The following CHD2 variants were observed in gnomAD, a reference collection of about 807,000 sequenced individuals.
CHD2 encodes the protein ATP-dependent chromatin remodeler CHD2.
CHD2 carries 28 observed loss-of-function variants against 243.9 expected under a neutral mutation model. The ratio of observed to expected loss-of-function variants is 0.11; its 90% confidence interval spans 0.09 to 0.16. The LOEUF (loss-of-function observed/expected upper bound fraction) is 0.16, where lower values mean the gene tolerates loss of function less well. Ranked by LOEUF, CHD2 falls within the 10% of genes least tolerant of loss-of-function variation. The probability of loss-of-function intolerance (pLI) is 1.00; values close to 1 mark genes in which losing one functional copy is unlikely to be tolerated. For synonymous variants in CHD2, 775 were observed against 779.0 expected (o/e 0.99, Z 0.09); for missense variants, 1,386 against 2,209.8 (o/e 0.63, Z 7.47).
At chr15:92,945,389 C>CT (rs149239392) in intron 10 of CHD2, 20,803 of 126,692 alleles carry the variant, frequency 0.16, 3,079 homozygotes, top group Non-Finnish European at 0.25. Flanking sequence ...TCTTCTTCTT[C>CT]TTCTTCTTTT....
chr15:93,020,225 G>A lies in CHD2; in HGVS notation c.5120G>A (p.Arg1707Gln), dbSNP rs61759469. Residue 1707 changes from arginine (R) to glutamine (Q), a missense_variant, in exon 38 of 39, where the codon CGA (arginine) becomes CAA (glutamine). By Grantham distance (43) the Arg-to-Gln change is conservative. This residue lies in a region of CHD2 where 347 missense variants were observed against 341.6 expected (regional missense o/e 1.02). Coordinates refer to ENST00000394196, the MANE Select transcript of CHD2 (RefSeq NM_001271.4). The stretch of plus-strand genomic sequence containing the variant: ...CCTTATGACCAGTACAGCAGTGACC[G>A]AGACCACCGGGGACACAGAGATTAT... Reference protein sequence around the residue: ...KRPYDQYSSDRDHRGHRDYYD... With the variant: ...KRPYDQYSSDQDHRGHRDYYD... The A allele has an allele frequency of 1.4e-5, 23 of 1,613,990 alleles. No homozygotes were observed. Among genetic ancestry groups the A allele is most frequent in the Admixed American group, 1.0e-4 (6 of 60,002 alleles).
chr15:92,900,765 G>A lies in CHD2; in HGVS notation c.-131G>A. The A allele has an allele frequency of 2.5e-6, 1 of 395,718 alleles. No individual in the cohort carries two copies. The highest frequency in any genetic ancestry group is 4.4e-6 in the Non-Finnish European group (1 of 225,162). 24.5% of individuals were successfully genotyped at this position (395,718 alleles called of 1,614,324 possible). On this transcript the variant is annotated 5_prime_UTR_variant, in exon 1 of 39. Transcript: ENST00000394196. ...TTTGCCTTTATTTTTAATTATTTGG[G>A]ATCTGATATTTTTCTACTAGTAGAT...
intron 37 of CHD2, among the ~76,000 whole-genome samples, chr15:93,016,454 A>G (rs933822588): frequency 1.1e-4 from 17 of 152,246 alleles, no homozygotes; most frequent in African/African-American, 3.6e-4. Context: ...ACTGTAGTTA[A>G]TAACAATGTA....
intron 26 of CHD2, among the ~76,000 whole-genome samples, chr15:92,987,146 T>A (rs938678666): frequency 6.6e-6 from 1 of 152,220 alleles, no homozygotes; most frequent in South Asian, 2.1e-4. Flanking sequence ...TGGACTCTTA[T>A]TAATTGTATA....
intron 2 of CHD2, among the ~76,000 whole-genome samples, chr15:92,902,991 G>T (rs1596360957): frequency 6.6e-6 from 1 of 152,142 alleles, no homozygotes; most frequent in East Asian, 1.9e-4. Context: ...GGTAGTGGAG[G>T]TTACAGCTGT....
At position 92,946,189 on chromosome 15, in the gene CHD2, A is replaced by C. The variant is rs749235059; in HGVS notation, c.1350A>C (p.Ser450=). The change falls in exon 12 of 39, where the codon TCA becomes TCC. Residue 450 remains serine, a synonymous_variant. Coordinates refer to ENST00000394196, the MANE Select transcript of CHD2 (RefSeq NM_001271.4). ...CIDSFHSRNN[S]KTIPTRECKA... is the part of the protein sequence containing the mutation. ...ACAGCTTCCACAGTAGGAACAACTCAAAAACCATCCCAACAAGAGAATGCA... is the reference window on the plus strand; with the variant it reads ...ACAGCTTCCACAGTAGGAACAACTCCAAAACCATCCCAACAAGAGAATGCA... The C allele has an allele frequency of 1.2e-6, 2 of 1,612,120 alleles. No homozygotes were observed. The highest frequency in any genetic ancestry group is 2.2e-5 in the South Asian group (2 of 90,806).
chr15:92,974,086 G>A (rs1269669764), intron 19 of CHD2: 1 of 152,204 alleles, frequency 6.6e-6, no homozygotes, highest in Admixed American at 6.5e-5. Flanking sequence ...TTCATCTCAA[G>A]TGGTGATTGT....
At position 92,998,374 on chromosome 15, in the gene CHD2, TTA is replaced by T; in HGVS notation, c.3886-123_3886-122del. On this transcript the variant is annotated intron_variant, in intron 30 of 38. Transcript: ENST00000394196. This position sits in a 1 kb window ranked among gnomAD's most constrained non-coding sequence, Gnocchi z 5.1. ...TGGACATGAGATAGGATCTGAGGCT[TTA>T]TCTATATTTTGGGTGGTTGGGGAGG... 1 of 1,445,582 alleles carries T rather than the reference TTA, an allele frequency of 6.9e-7. No individual in the cohort carries two copies. The allele number at this position is 1,445,582 out of a possible 1,614,324, so 89.5% of individuals were successfully genotyped here. A position where few individuals can be genotyped will look rare whatever the true frequency, so the allele number is the denominator to read the frequency against.
At chr15:93,015,490 G>A (rs1194638717) in intron 37 of CHD2, among the ~76,000 whole-genome samples, 1 of 152,076 alleles carries the variant, frequency 6.6e-6, no homozygotes, top group African/African-American at 2.4e-5. Context: ...GGTTAAAACT[G>A]CTAATCTTGA....
rs557374528 is a variant in CHD2 at position 92,904,325 on chromosome 15, T to C, written c.62+3026T>C. The C allele has an allele frequency of 8.8e-4, 399 of 453,900 alleles. 3 individuals carry two copies. The highest frequency in any genetic ancestry group is 8.1e-3 in the African/African-American group (382 of 47,240). 28.1% of individuals were successfully genotyped at this position (453,900 alleles called of 1,614,324 possible). A position where few individuals can be genotyped will look rare whatever the true frequency, so the allele number is the denominator to read the frequency against. On this transcript the variant is annotated intron_variant, in intron 2 of 38. Coordinates refer to ENST00000394196, the MANE Select transcript of CHD2 (RefSeq NM_001271.4). ...GCCGGCGCGGGGTGCTGATTGGCTG[T>C]GCGCGCGCCTGGTAACAGCAGGGTC...
At chr15:92,944,696 G>C in intron 10 of CHD2, 181 bp downstream of exon 10, 1 of 356,936 alleles carries the variant, frequency 2.8e-6, no homozygotes, top group Non-Finnish European at 5.1e-6. Flanking sequence ...AGAGAAAGAG[G>C]TGTTAAGTAT....
intron 2 of CHD2, chr15:92,902,338 G>A: frequency 2.5e-6 from 1 of 393,682 alleles, no homozygotes; most frequent in Non-Finnish European, 4.5e-6. Context: ...AAGTACATAT[G>A]AATGCATTTT....
At chr15:92,942,329 C>T (rs1223428372) in intron 8 of CHD2, among the ~76,000 whole-genome samples, 1 of 151,316 alleles carries the variant, frequency 6.6e-6, no homozygotes, top group Non-Finnish European at 1.5e-5. Context: ...ATTTAGATAT[C>T]TCATAACTAA....
At chr15:92,954,166 A>G (rs1264472733) in intron 14 of CHD2, 2 of 153,154 alleles carry the variant, frequency 1.3e-5, no homozygotes, top group African/African-American at 2.4e-5. Flanking sequence ...TAAAGCACCT[A>G]CTGTGTGCTA....
chr15:92,953,795 A>G (rs1368748254), intron 14 of CHD2: 7 of 537,084 alleles, frequency 1.3e-5, no homozygotes, highest in Non-Finnish European at 2.3e-5. Flanking sequence ...GTGAGTGGGA[A>G]TCTCTTTTAG....
chr15:93,014,572 G>C, intron 36 of CHD2, 124 bp from the exon 37 acceptor site: 1 of 796,338 alleles, frequency 1.3e-6, no homozygotes, highest in Non-Finnish European at 2.0e-6. Flanking sequence ...TTAGGAGGTA[G>C]TAAACGCCAG....
Position 92,924,466 on chromosome 15 carries a change from T to C in CHD2, c.208T>C (p.Ser70Pro). The stretch of plus-strand genomic sequence containing the variant: ...GAGTCAGTCGGAATCTGAGAGCGAA[T>C]CAGCAGGTTCCAAATCCCAGCCAGT... ...SESQSESESE[S>P]AGSKSQPVLP... Residue 70 changes from serine to proline, a missense_variant, in exon 3 of 39, where the codon TCA becomes CCA. This residue lies in a region of CHD2 where 89 missense variants were observed against 102.4 expected (regional missense o/e 0.87). Transcript: ENST00000394196. The C allele has an allele frequency of 6.2e-7, 1 of 1,614,112 alleles. No homozygotes were observed. Among genetic ancestry groups the C allele is most frequent in the Non-Finnish European group, 8.5e-7 (1 of 1,180,024 alleles).
intron 16 of CHD2, among the ~76,000 whole-genome samples, chr15:92,963,309 T>C (rs561884757): frequency 9.6e-4 from 146 of 152,344 alleles, no homozygotes; most frequent in Non-Finnish European, 1.4e-3. Flanking sequence ...TGTGTCATTT[T>C]AATTCCTGTT....
intron 5 of CHD2, among the ~76,000 whole-genome samples, chr15:92,936,142 C>G (rs1260790895): frequency 1.3e-5 from 2 of 152,042 alleles, no homozygotes; most frequent in Non-Finnish European, 1.5e-5. Flanking sequence ...TTGTTTTTTC[C>G]CCCTAAGGTC....
Sources: gnomAD v4.1 joint callset for allele counts (sites outside exome capture counted in the v4.1 genomes callset) on GRCh38, gnomAD v4.1.1 for gene constraint, gnomAD v4.1.1 regional missense constraint, Gnocchi (gnomAD v3.1) non-coding constraint, MANE v1.5 for transcripts, NCBI Gene and HGNC (gene_info 2026-07-23, HGNC 2026-07-21) for gene names.